Variants in SLC12A1 observed in about 807,000 individuals in gnomAD.
SLC12A1 encodes Na-K-2Cl cotransporter.
SLC12A1 carries 89 observed loss-of-function variants against 130.4 expected under a neutral mutation model. The ratio of observed to expected loss-of-function variants is 0.68; its 90% CI spans 0.58 to 0.81. SLC12A1 has a LOEUF of 0.81. SLC12A1 is among the 40% of genes least tolerant of loss of function. The probability of loss-of-function intolerance (pLI) is 0.00; values close to 1 mark genes in which losing one functional copy is unlikely to be tolerated. For missense variants in SLC12A1, 1,310 were observed against 1,336.4 expected, an observed-to-expected ratio of 0.98 and a Z score of 0.31; for synonymous variants, 499 against 460.0, an observed-to-expected ratio of 1.08 and a Z score of -1.09.
At chr15:48,256,057 C>A (rs2041703982) in intron 16 of SLC12A1, 147 bp downstream of exon 16, 1 of 651,132 alleles carries the variant, frequency 1.5e-6, no homozygotes. Context: ...ATTTTCATGA[C>A]AGCACCTCCT....
intron 2 of SLC12A1, among the ~76,000 whole-genome samples, chr15:48,209,066 C>A (rs1375404612): frequency 1.3e-5 from 2 of 152,052 alleles, no homozygotes; most frequent in Admixed American, 1.3e-4. Context: ...CAGCACTTTT[C>A]CCAATCTTTT....
At chr15:48,246,355 GA>G (rs374318822) in intron 11 of SLC12A1, among the ~76,000 whole-genome samples, 58 of 152,194 alleles carry the variant, frequency 3.8e-4, no homozygotes, top group African/African-American at 1.4e-3. Flanking sequence ...GAACAGAGGG[GA>G]AAATGTCAAA....
chr15:48,245,388 G>A (rs2041565709), intron 11 of SLC12A1, among the ~76,000 whole-genome samples: 1 of 152,104 alleles, frequency 6.6e-6, no homozygotes, highest in Non-Finnish European at 1.5e-5. Flanking sequence ...ACTAAGCATA[G>A]TACCCAACAG....
At chr15:48,302,614 G>A (rs371716310) in intron 26 of SLC12A1, 136 bp from the exon 27 acceptor site, 29 of 387,580 alleles carry the variant, frequency 7.5e-5, no homozygotes, top group Middle Eastern at 8.3e-4. Context: ...GCGACAGAGC[G>A]AGACTCCGTC....
chr15:48,291,848 A>G lies in SLC12A1; in HGVS notation c.2944A>G (p.Arg982Gly), dbSNP rs1285331307. The G allele has an allele frequency of 1.9e-6, 3 of 1,564,344 alleles. No individual in the cohort carries two copies. Among genetic ancestry groups the G allele is most frequent in the East Asian group, 4.7e-5 (2 of 42,988 alleles). The change falls in exon 24 of 27, where the codon AGG becomes GGG. Residue 982 changes from arginine to glycine, a missense_variant. Physicochemically the swap from Arg to Gly is moderately radical, Grantham distance 125 (BLOSUM62 -2). Coordinates refer to ENST00000380993, the MANE Select transcript of SLC12A1 (RefSeq NM_000338.3). ...CCATATCATCGGTGACATCAACATTAGGCCAAACAAAGAGAGGTATGAAAT... is the reference window on the plus strand; with the variant it reads ...CCATATCATCGGTGACATCAACATTGGGCCAAACAAAGAGAGGTATGAAAT... The part of the protein sequence containing the change: ...DIHIIGDINI[R>G]PNKESWKVFE...
At chr15:48,296,046 C>A (rs1364196342) in intron 24 of SLC12A1, among the ~76,000 whole-genome samples, 1 of 152,212 alleles carries the variant, frequency 6.6e-6, no homozygotes, top group African/African-American at 2.4e-5. Flanking sequence ...GATGCAGCCC[C>A]AGACCCAGGG....
intron 20 of SLC12A1, among the ~76,000 whole-genome samples, chr15:48,276,522 A>C (rs1000247657): frequency 5.3e-5 from 8 of 152,220 alleles, no homozygotes; most frequent in Non-Finnish European, 1.0e-4. Context: ...AGGGGTGATC[A>C]TGTGAAGACA....
At chr15:48,212,507 G>C (rs2041065220) in intron 2 of SLC12A1, among the ~76,000 whole-genome samples, 1 of 152,094 alleles carries the variant, frequency 6.6e-6, no homozygotes, top group East Asian at 1.9e-4. Context: ...TTGACATCTG[G>C]CAAAGATTAA....
At position 48,222,134 on chromosome 15, in the gene SLC12A1, G is replaced by A. The variant is rs564697397; in HGVS notation, c.628+1138G>A. Among the ~76,000 whole-genome samples, 6 of 152,288 alleles carry A rather than the reference G, an allele frequency of 3.9e-5. No homozygotes were observed. The East Asian group carries it at 9.6e-4, about 24-fold the overall frequency. ...GCAGGGTCCAAAATAAGTATATGCC[G>A]TTCCATGGAAAATCTGCATCTTAAT... On this transcript the variant is annotated intron_variant, in intron 4 of 26. Transcript: ENST00000380993.
Position 48,269,755 on chromosome 15 carries a change from G to T in SLC12A1, c.2393G>T (p.Gly798Val), listed in dbSNP as rs1415449956. The T allele has an allele frequency of 1.9e-6, 3 of 1,573,828 alleles. No homozygotes were observed. Among genetic ancestry groups the T allele is most frequent in the East Asian group, 2.2e-5 (1 of 44,616 alleles). Reference sequence around the variant, plus strand: ...TTGACAGAGATTGAGAACTACGTGGGAATCATACAGTAAGTGATGGCTTTC... The same window carrying T: ...TTGACAGAGATTGAGAACTACGTGGTAATCATACAGTAAGTGATGGCTTTC... ...APLTEIENYVGIIHDAFDFEI... is the reference protein window; with the variant it reads ...APLTEIENYVVIIHDAFDFEI... Residue 798 changes from glycine (G) to valine (V), a missense_variant, in exon 19 of 27, where the codon GGA (glycine) becomes GTA (valine). Coordinates refer to ENST00000380993, the MANE Select transcript of SLC12A1 (RefSeq NM_000338.3).
At chr15:48,208,169 TC>T (rs1035625681) in intron 2 of SLC12A1, 30 bp downstream of exon 2, 5 of 1,531,804 alleles carry the variant, frequency 3.3e-6, no homozygotes, top group African/African-American at 2.8e-5. Context: ...GCAAGTCTCC[TC>T]CCTTATTCAT....
Position 48,227,198 on chromosome 15 carries a change from A to T in SLC12A1, c.724+627A>T, listed in dbSNP as rs779812057. On this transcript the variant is annotated intron_variant, in intron 5 of 26. Coordinates refer to ENST00000380993, the MANE Select transcript of SLC12A1 (RefSeq NM_000338.3). The stretch of plus-strand genomic sequence containing the variant: ...AGGTAAGCCAATTAATTTACTTATG[A>T]CTAGAGGCTTGGTTACTAGTAATGT... 6 of 1,424,078 alleles carry T rather than the reference A, an allele frequency of 4.2e-6. No homozygotes were observed. The South Asian group carries it at 7.4e-5, about 18-fold the overall frequency. The allele number at this position is 1,424,078 out of a possible 1,614,324, so 88.2% of individuals were successfully genotyped here. A position where few individuals can be genotyped will look rare whatever the true frequency, so the allele number is the denominator to read the frequency against.
intron 18 of SLC12A1, 40 bp from the exon 19 acceptor site, chr15:48,269,618 T>C: frequency 9.5e-7 from 1 of 1,056,200 alleles, no homozygotes; most frequent in Non-Finnish European, 1.5e-6. Context: ...AGTTTCCCAG[T>C]ACGGTAAGGA....
rs557297187 is a variant in SLC12A1 at position 48,264,107 on chromosome 15, G to A, written c.2155-3454G>A. Among the ~76,000 whole-genome samples the A allele has an allele frequency of 1.4e-3, 209 of 152,166 alleles. 2 individuals are homozygous for A. The highest frequency in any genetic ancestry group is 1.1e-3 in the Non-Finnish European group (78 of 68,002). ...AGGCAATGTTATCTGAATTTTATGG[G>A]TATTCTTCTCATCATTTCACACACG... On this transcript the variant is annotated intron_variant, in intron 17 of 26. Transcript: ENST00000380993.
intron 10 of SLC12A1, among the ~76,000 whole-genome samples, chr15:48,242,054 A>C (rs2041522540): frequency 6.6e-6 from 1 of 152,218 alleles, no homozygotes; most frequent in African/African-American, 2.4e-5. Context: ...TTGTACTGCT[A>C]TCCTTAATAT....
intron 18 of SLC12A1, among the ~76,000 whole-genome samples, chr15:48,268,302 C>A (rs751726767): frequency 3.9e-5 from 6 of 151,992 alleles, no homozygotes; most frequent in Non-Finnish European, 5.9e-5. Flanking sequence ...TACATAAAAT[C>A]TTTTCCTAGT....
In SLC12A1 at chr15:48,221,420, A is replaced by T; in HGVS notation, c.628+424A>T. Reference sequence around the variant, plus strand: ...AAACTGGTGAAAATGTGACCTGACTAATAAAAATGCTGAATTGTTGAACTT... The same window carrying T: ...AAACTGGTGAAAATGTGACCTGACTTATAAAAATGCTGAATTGTTGAACTT... On this transcript the variant is annotated intron_variant, in intron 4 of 26. Coordinates refer to ENST00000380993, the MANE Select transcript of SLC12A1 (RefSeq NM_000338.3). 4.3e-6 allele frequency: 3 copies of T among 697,046 alleles called. No homozygotes were observed. The South Asian group carries it at 4.6e-5, about 11-fold the overall frequency. The allele number at this position is 697,046 out of a possible 1,614,324, so 43.2% of individuals were successfully genotyped here.
intron 2 of SLC12A1, among the ~76,000 whole-genome samples, chr15:48,214,586 T>G (rs2041096892): frequency 6.6e-6 from 1 of 152,216 alleles, no homozygotes; most frequent in South Asian, 2.1e-4. Flanking sequence ...TTCATTTTCA[T>G]AATTTAAAAT....
intron 19 of SLC12A1, among the ~76,000 whole-genome samples, chr15:48,272,795 T>A (rs2041911555): frequency 1.3e-5 from 2 of 152,190 alleles, no homozygotes; most frequent in East Asian, 3.9e-4. Context: ...ACAAATTACC[T>A]CAAAATTTAG....
Sources: allele counts gnomAD v4.1 joint callset (sites outside exome capture counted in the v4.1 genomes callset), GRCh38; gene constraint gnomAD v4.1.1; transcripts MANE v1.5; gene names NCBI Gene and HGNC (gene_info 2026-07-23, HGNC 2026-07-21).